The following RHBDD1 variants were observed in gnomAD, a reference collection of about 807,000 sequenced individuals.
RHBDD1 encodes rhomboid domain containing 1.
In RHBDD1, 38 loss-of-function variants were observed where a neutral mutation model predicts 36.3. That is an observed-to-expected ratio of 1.05 (90% CI 0.81 to 1.37). RHBDD1 has a LOEUF of 1.37. RHBDD1 is among the 40% of genes most tolerant of loss of function. The pLI, the probability that RHBDD1 is intolerant of heterozygous loss-of-function variation, is 0.00. For missense variants in RHBDD1, 393 were observed against 377.6 expected (o/e 1.04, Z -0.34); for synonymous variants, 151 against 136.5 (o/e 1.11, Z -0.74).
chr2:226,976,766 A>G (rs370743027), intron 8 of RHBDD1, among the ~76,000 whole-genome samples: 1 of 152,208 alleles, frequency 6.6e-6, no homozygotes, highest in Non-Finnish European at 1.5e-5. Flanking sequence ...ACTTGGGCCT[A>G]TCGGGTAGGT....
At chr2:226,846,467 C>T (rs1002311635) in intron 3 of RHBDD1, among the ~76,000 whole-genome samples, 2 of 152,078 alleles carry the variant, frequency 1.3e-5, no homozygotes, top group African/African-American at 4.8e-5. Flanking sequence ...GTGTAGGCCG[C>T]GTACAGTGTC....
intron 8 of RHBDD1, among the ~76,000 whole-genome samples, chr2:226,958,318 T>G (rs141539796): frequency 0.021 from 3,242 of 152,232 alleles, 48 homozygotes; most frequent in Middle Eastern, 0.092. Flanking sequence ...GAAGTGGCCA[T>G]AATAGGCAAT....
At chr2:226,865,208 C>T in intron 4 of RHBDD1, 82 bp downstream of exon 4, 1 of 1,109,554 alleles carries the variant, frequency 9.0e-7, no homozygotes, top group Non-Finnish European at 1.3e-6. Context: ...AAGTGTGGGT[C>T]CCTATCAAAT....
chr2:226,988,619 C>G, intron 8 of RHBDD1: 2 of 1,351,002 alleles, frequency 1.5e-6, no homozygotes, highest in Non-Finnish European at 1.9e-6. Context: ...CCCCTCCGAG[C>G]AGACACATTG....
chr2:226,856,799 A>T (rs1035448876), intron 3 of RHBDD1, among the ~76,000 whole-genome samples: 2 of 152,226 alleles, frequency 1.3e-5, no homozygotes, highest in African/African-American at 4.8e-5. Context: ...TTTTATGTTT[A>T]ATATAAATAA....
At chr2:226,915,109 A>G (rs1948806911) in intron 8 of RHBDD1, among the ~76,000 whole-genome samples, 1 of 152,062 alleles carries the variant, frequency 6.6e-6, no homozygotes, top group Admixed American at 6.6e-5. Context: ...TGCCTACTAG[A>G]TGTGATACCA....
chr2:226,905,645 C>T (rs1947994413), intron 5 of RHBDD1, among the ~76,000 whole-genome samples: 1 of 152,206 alleles, frequency 6.6e-6, no homozygotes, highest in Non-Finnish European at 1.5e-5. Flanking sequence ...CACTGGAGAG[C>T]AAGAGCTGGC....
At chr2:226,981,845 G>T (rs1217425673) in intron 8 of RHBDD1, among the ~76,000 whole-genome samples, 1 of 152,114 alleles carries the variant, frequency 6.6e-6, no homozygotes, top group African/African-American at 2.4e-5. Context: ...GAGAGCAAGG[G>T]CTCCTGCTTG....
intron 8 of RHBDD1, among the ~76,000 whole-genome samples, chr2:226,948,795 C>A: frequency 6.6e-6 from 1 of 152,118 alleles, no homozygotes. Flanking sequence ...CTGGCTAGGG[C>A]AATCAGGCAA....
intron 8 of RHBDD1, among the ~76,000 whole-genome samples, chr2:226,924,641 C>T (rs1181469521): frequency 6.6e-6 from 1 of 152,158 alleles, no homozygotes; most frequent in Non-Finnish European, 1.5e-5. Flanking sequence ...ATTTAGGACC[C>T]CAGAGCACTT....
At chr2:226,926,175 C>T (rs1006539817) in intron 8 of RHBDD1, among the ~76,000 whole-genome samples, 7 of 149,778 alleles carry the variant, frequency 4.7e-5, no homozygotes, top group African/African-American at 9.9e-5. Flanking sequence ...GTCAGGAGAT[C>T]GAGACCATCC....
At chr2:226,901,178 G>T (rs138852068) in intron 5 of RHBDD1, among the ~76,000 whole-genome samples, 1 of 152,106 alleles carries the variant, frequency 6.6e-6, no homozygotes, top group Admixed American at 6.5e-5. Flanking sequence ...ATTTGTCCGT[G>T]TTGTCTTAAA....
At chr2:226,984,761 G>A (rs906589730) in intron 8 of RHBDD1, among the ~76,000 whole-genome samples, 3 of 152,190 alleles carry the variant, frequency 2.0e-5, no homozygotes, top group African/African-American at 7.2e-5. Flanking sequence ...CCCTGGTCTT[G>A]TACATTCACT....
intron 8 of RHBDD1, among the ~76,000 whole-genome samples, chr2:226,952,733 C>A (rs185540519): frequency 4.6e-5 from 7 of 152,294 alleles, no homozygotes; most frequent in Non-Finnish European, 8.8e-5. Context: ...CTCCCCAATG[C>A]CCACCTCATG....
chr2:226,961,102 G>A (rs193136988), intron 8 of RHBDD1, among the ~76,000 whole-genome samples: 142 of 152,308 alleles, frequency 9.3e-4, no homozygotes, highest in Non-Finnish European at 1.6e-3. Context: ...AGTCTGTGAT[G>A]AAGGAAGCCC....
intron 8 of RHBDD1, among the ~76,000 whole-genome samples, chr2:226,964,124 A>G (rs1407552011): frequency 6.6e-6 from 1 of 152,186 alleles, no homozygotes; most frequent in African/African-American, 2.4e-5. Flanking sequence ...AGAGAGAGGA[A>G]GAGAGCAAGT....
chr2:226,924,240 A>G (rs868490220), intron 8 of RHBDD1, among the ~76,000 whole-genome samples: 6 of 152,256 alleles, frequency 3.9e-5, no homozygotes, highest in Middle Eastern at 6.8e-3. Context: ...GAATCCTGCT[A>G]GGATTGAGTC....
intron 4 of RHBDD1, among the ~76,000 whole-genome samples, 175 bp from the exon 5 acceptor site, chr2:226,867,011 G>A (rs1574870621): frequency 6.6e-6 from 1 of 152,172 alleles, no homozygotes. Flanking sequence ...AGGAGTGACT[G>A]CCTTTAACGT....
In RHBDD1 at chr2:226,998,361, G is replaced by A. The variant is rs1202630915; in HGVS notation, c.*2839G>A. ...CTGCCTGGGGAGTAAGCAAGCTAAA[G>A]GGATGAGAAAGACCACCTCCCCCTA... On this transcript the variant is annotated 3_prime_UTR_variant, in exon 9 of 9. Transcript: ENST00000392062. 1 of 152,158 alleles carries A rather than the reference G, an allele frequency of 6.6e-6. No homozygotes were observed. The highest frequency in any genetic ancestry group is 1.5e-5 in the Non-Finnish European group (1 of 68,034). 9.4% of individuals were successfully genotyped at this position (152,158 alleles called of 1,614,324 possible). A position where few individuals can be genotyped will look rare whatever the true frequency, so the allele number is the denominator to read the frequency against.
Sources: gnomAD v4.1 joint callset for allele counts (sites outside exome capture counted in the v4.1 genomes callset) on GRCh38, gnomAD v4.1.1 for gene constraint, MANE v1.5 for transcripts, NCBI Gene and HGNC (gene_info 2026-07-23, HGNC 2026-07-21) for gene names.